DOCK3: variants seen among roughly 807,000 people sequenced by gnomAD.
DOCK3 encodes dedicator of cytokinesis protein 3.
A neutral mutation model predicts 265.6 loss-of-function variants in DOCK3; 60 were observed. That is an observed-to-expected ratio of 0.23 (90% CI 0.18 to 0.28). The LOEUF is 0.28. DOCK3 is among the 10% of genes least tolerant of loss of function. The pLI is 1.00. For synonymous variants in DOCK3, 881 were observed against 938.0 expected, an observed-to-expected ratio of 0.94 and a Z score of 1.11; for missense variants, 1,981 against 2,594.3, an observed-to-expected ratio of 0.76 and a Z score of 5.14.
At chr3:50,869,421 G>T (rs1410157291) in intron 3 of DOCK3, among the ~76,000 whole-genome samples, 9 of 106,042 alleles carry the variant, frequency 8.5e-5, no homozygotes, top group African/African-American at 3.0e-4. Context: ...ACTCAGGCTG[G>T]AGTCAGTGGT....
At chr3:51,369,954 C>T (rs2087551241) in intron 49 of DOCK3, among the ~76,000 whole-genome samples, 1 of 152,150 alleles carries the variant, frequency 6.6e-6, no homozygotes, top group Non-Finnish European at 1.5e-5. Flanking sequence ...CCCATATTGC[C>T]TCCCTAGCAT....
chr3:51,016,019 TAA>T (rs2079190249), intron 5 of DOCK3, among the ~76,000 whole-genome samples: 1 of 12,436 alleles, frequency 8.0e-5, no homozygotes, highest in African/African-American at 6.2e-4. Flanking sequence ...TATTTCTACA[TAA>T]TATATATCAT....
chr3:50,728,418 T>C (rs974956891), intron 1 of DOCK3, among the ~76,000 whole-genome samples: 3 of 152,058 alleles, frequency 2.0e-5, no homozygotes, highest in Non-Finnish European at 2.9e-5. Context: ...GAATGGTATG[T>C]TAAACCCAAA....
intron 5 of DOCK3, among the ~76,000 whole-genome samples, chr3:50,962,433 T>C (rs79073578): frequency 0.02 from 2,976 of 152,296 alleles, 35 homozygotes; most frequent in Non-Finnish European, 0.029. Context: ...ACTGTATCAT[T>C]ACTTTGTGTG....
chr3:51,020,756 T>A (rs971637876), intron 5 of DOCK3, among the ~76,000 whole-genome samples: 3 of 151,970 alleles, frequency 2.0e-5, no homozygotes, highest in Non-Finnish European at 4.4e-5. Context: ...TTTTGTCAGG[T>A]TTGTCGAAGA....
chr3:50,809,184 C>T (rs138659550), intron 2 of DOCK3, among the ~76,000 whole-genome samples: 39 of 152,152 alleles, frequency 2.6e-4, no homozygotes, highest in African/African-American at 6.7e-4. Context: ...AGTTATTTTA[C>T]GAAAGGCTTG....
intron 3 of DOCK3, among the ~76,000 whole-genome samples, chr3:50,866,795 A>G (rs1396408561): frequency 2.0e-5 from 3 of 152,032 alleles, no homozygotes; most frequent in African/African-American, 2.4e-5. Flanking sequence ...GTATATGTCT[A>G]TATTTATGCC....
intron 21 of DOCK3, among the ~76,000 whole-genome samples, chr3:51,246,274 C>G (rs1030750032): frequency 6.7e-6 from 1 of 148,744 alleles, no homozygotes; most frequent in African/African-American, 2.5e-5. Flanking sequence ...GTTCTGTTGC[C>G]CAAGCTGGAG....
At chr3:50,947,192 AAT>A (rs1206430176) in intron 5 of DOCK3, among the ~76,000 whole-genome samples, 22 of 152,238 alleles carry the variant, frequency 1.4e-4, no homozygotes, top group African/African-American at 4.8e-4. Flanking sequence ...TATTTATATA[AAT>A]ATATGTTTTA....
At chr3:51,146,416 G>A (rs769021266) in intron 9 of DOCK3, 133 bp from the exon 10 acceptor site, 24 of 805,024 alleles carry the variant, frequency 3.0e-5, no homozygotes, top group Middle Eastern at 4.7e-4. Context: ...GCCACTAGAC[G>A]TGTGTTTTTG....
chr3:50,891,908 C>T (rs1337516893), intron 4 of DOCK3, among the ~76,000 whole-genome samples: 1 of 151,932 alleles, frequency 6.6e-6, no homozygotes, highest in Non-Finnish European at 1.5e-5. Flanking sequence ...CAGAAGAATC[C>T]CTACCTGGAT....
At chr3:50,727,411 A>G (rs73072475) in intron 1 of DOCK3, among the ~76,000 whole-genome samples, 10,419 of 152,204 alleles carry the variant, frequency 0.068, 592 homozygotes, top group East Asian at 0.25. Context: ...AATGGTGAAA[A>G]GGTTGGCCAG....
In DOCK3 at chr3:51,381,716, A is replaced by C; in HGVS notation, c.*157A>C. The stretch of plus-strand genomic sequence containing the variant: ...GTCTCCGTTCTACTGCCGTGAACTC[A>C]TGTGTTGCCATGTACAGAGGCCACA... On this transcript the variant is annotated 3_prime_UTR_variant, in exon 53 of 53. Coordinates refer to ENST00000266037, the MANE Select transcript of DOCK3 (RefSeq NM_004947.5). The surrounding 1 kb of genome is among the most constrained non-coding windows in gnomAD (Gnocchi z 5.6). 2.0e-6 allele frequency: 2 copies of C among 1,005,264 alleles called. No individual in the cohort carries two copies. Among genetic ancestry groups the C allele is most frequent in the Non-Finnish European group, 2.8e-6 (2 of 716,808 alleles). 62.3% of individuals were successfully genotyped at this position (1,005,264 alleles called of 1,614,324 possible).
At chr3:51,048,346 C>G (rs570673117) in intron 5 of DOCK3, among the ~76,000 whole-genome samples, 1 of 152,192 alleles carries the variant, frequency 6.6e-6, no homozygotes, top group South Asian at 2.1e-4. Context: ...CTACCCTTGC[C>G]ACTATTCAAC....
rs546285335 is a variant in DOCK3 at position 50,934,633 on chromosome 3, C to T, written c.315+556C>T. ...CTTAAGGCCAGGAGTTTGAAACCAC[C>T]GTGGGGGCCACCATCTCTGCACAAA... On this transcript the variant is annotated intron_variant, in intron 5 of 52. Transcript: ENST00000266037. Among the ~76,000 whole-genome samples, 6 of 151,996 alleles carry T rather than the reference C, an allele frequency of 3.9e-5. No individual in the cohort carries two copies. The South Asian group carries it at 1.0e-3, about 26-fold the overall frequency.
chr3:51,267,098 CA>C (rs2080220637), intron 23 of DOCK3, among the ~76,000 whole-genome samples: 1 of 152,064 alleles, frequency 6.6e-6, no homozygotes, highest in Non-Finnish European at 1.5e-5. Context: ...TAGAGAAATG[CA>C]AATCAAAACC....
intron 10 of DOCK3, among the ~76,000 whole-genome samples, chr3:51,152,796 G>T (rs2085666370): frequency 6.6e-6 from 1 of 152,202 alleles, no homozygotes. Flanking sequence ...GTCCATTCCA[G>T]ACCCTGTTTG....
intron 5 of DOCK3, among the ~76,000 whole-genome samples, chr3:50,958,455 G>T (rs1052346164): frequency 2.0e-5 from 3 of 151,994 alleles, no homozygotes; most frequent in African/African-American, 7.3e-5. Flanking sequence ...TGTCTTTTCG[G>T]CCTCTGTGCC....
intron 3 of DOCK3, among the ~76,000 whole-genome samples, chr3:50,859,146 A>ATTC (rs1289455721): frequency 6.7e-6 from 1 of 148,590 alleles, no homozygotes; most frequent in African/African-American, 2.5e-5. Context: ...TGAATTCTGA[A>ATTC]TTCTATTTCT....
Sources: gnomAD v4.1 joint callset for allele counts (sites outside exome capture counted in the v4.1 genomes callset) on GRCh38, gnomAD v4.1.1 for gene constraint, Gnocchi (gnomAD v3.1) non-coding constraint, MANE v1.5 for transcripts, NCBI Gene and HGNC (gene_info 2026-07-23, HGNC 2026-07-21) for gene names.